GRIA4: variants seen among roughly 807,000 people sequenced by gnomAD.
The protein encoded by GRIA4 is glutamate ionotropic receptor AMPA type subunit 4, also known as glutamate receptor 4.
GRIA4 carries 34 observed loss-of-function variants against 104.0 expected under a neutral mutation model. The observed-to-expected ratio is 0.33, with a 90% confidence interval of 0.25 to 0.44. The LOEUF (loss-of-function observed/expected upper bound fraction) is 0.44, where lower values mean the gene tolerates loss of function less well. Ranked by LOEUF, GRIA4 falls within the 20% of genes least tolerant of loss-of-function variation. The pLI is 1.00. For synonymous variants in GRIA4, 386 were observed against 381.9 expected (o/e 1.01, Z -0.13); for missense variants, 750 against 1,096.5 (o/e 0.68, Z 4.46).
rs138293246 is a variant in GRIA4 at position 105,834,251 on chromosome 11, T to A, written c.488-27773T>A. Among the ~76,000 whole-genome samples the A allele has an allele frequency of 6.0e-3, 907 of 152,148 alleles. 8 individuals are homozygous for A. The highest frequency in any genetic ancestry group is 0.02 in the African/African-American group (840 of 41,544). ...CCTACTCCATATCTCAATCCTTTCA[T>A]CTCTTTTTAATGTCAAAATTACTCA... is the stretch of plus-strand genomic sequence containing the variant. On this transcript the variant is annotated intron_variant, in intron 4 of 16. Transcript: ENST00000282499.
chr11:105,972,158 T>C (rs1858728720), intron 15 of GRIA4, 130 bp downstream of exon 15: 7 of 531,564 alleles, frequency 1.3e-5, no homozygotes, highest in Non-Finnish European at 2.4e-5. Context: ...TAAAAGCTAA[T>C]GTCATAAATT....
intron 5 of GRIA4, among the ~76,000 whole-genome samples, chr11:105,876,906 C>T (rs190577198): frequency 3.3e-5 from 5 of 152,186 alleles, no homozygotes; most frequent in East Asian, 1.9e-4. Flanking sequence ...GCATTTAGCC[C>T]GTTTACATTT....
chr11:105,910,012 T>C (rs1419109423), intron 9 of GRIA4, among the ~76,000 whole-genome samples: 1 of 152,168 alleles, frequency 6.6e-6, no homozygotes, highest in African/African-American at 2.4e-5. Flanking sequence ...GAAAATATTC[T>C]GTACATGTTC....
chr11:105,909,188 T>C (rs954379788), intron 9 of GRIA4, among the ~76,000 whole-genome samples: 1 of 152,156 alleles, frequency 6.6e-6, no homozygotes, highest in African/African-American at 2.4e-5. Flanking sequence ...GTGAATAATC[T>C]AGTGCCTCTT....
chr11:105,776,018 A>C (rs2135755566), intron 4 of GRIA4, among the ~76,000 whole-genome samples: 1 of 152,238 alleles, frequency 6.6e-6, no homozygotes. Context: ...TTAATACAAA[A>C]GTAGATGCTA....
chr11:105,871,736 C>T (rs1353086639), intron 5 of GRIA4, among the ~76,000 whole-genome samples: 2 of 151,860 alleles, frequency 1.3e-5, no homozygotes, highest in Non-Finnish European at 2.9e-5. Flanking sequence ...AGTCATATGA[C>T]TTTCAGAATT....
At chr11:105,697,291 C>G (rs1371148339) in intron 3 of GRIA4, among the ~76,000 whole-genome samples, 1 of 152,148 alleles carries the variant, frequency 6.6e-6, no homozygotes, top group Non-Finnish European at 1.5e-5. Context: ...GAGTCTCTCT[C>G]TCTCTTTCTC....
chr11:105,719,715 C>T (rs1460785816), intron 3 of GRIA4, among the ~76,000 whole-genome samples: 3 of 151,392 alleles, frequency 2.0e-5, no homozygotes, highest in Non-Finnish European at 4.4e-5. Flanking sequence ...AGGTGGAGGT[C>T]AGCTTTTTCT....
intron 4 of GRIA4, among the ~76,000 whole-genome samples, chr11:105,839,334 T>A (rs1032967140): frequency 1.3e-5 from 2 of 152,150 alleles, no homozygotes; most frequent in Admixed American, 1.3e-4. Context: ...ATATTTACTC[T>A]TCTTTGCATG....
At chr11:105,631,346 A>G (rs1213939523) in intron 3 of GRIA4, among the ~76,000 whole-genome samples, 2 of 152,224 alleles carry the variant, frequency 1.3e-5, no homozygotes, top group Admixed American at 6.5e-5. Context: ...AAAGAAAAAG[A>G]CTGTCCATTA....
chr11:105,913,275 T>C, intron 10 of GRIA4: 1 of 484,608 alleles, frequency 2.1e-6, no homozygotes, highest in South Asian at 8.9e-5. Context: ...CTTTATTAAA[T>C]ATAATGTAGT....
intron 3 of GRIA4, among the ~76,000 whole-genome samples, chr11:105,679,740 G>C (rs1952651453): frequency 1.3e-5 from 2 of 151,982 alleles, no homozygotes; most frequent in South Asian, 4.1e-4. Flanking sequence ...GACAAAATAA[G>C]GAAGAACTGC....
At chr11:105,847,824 G>A (rs573681117) in intron 4 of GRIA4, among the ~76,000 whole-genome samples, 1 of 152,260 alleles carries the variant, frequency 6.6e-6, no homozygotes, top group African/African-American at 2.4e-5. Context: ...AATTACTGGT[G>A]TTGAAATTGA....
chr11:105,910,045 C>A (rs933776355), intron 9 of GRIA4, among the ~76,000 whole-genome samples: 7 of 152,050 alleles, frequency 4.6e-5, no homozygotes, highest in Non-Finnish European at 1.0e-4. Context: ...TGGCTATTCC[C>A]TTTACTATAC....
intron 5 of GRIA4, among the ~76,000 whole-genome samples, chr11:105,866,646 G>C (rs1349304867): frequency 2.1e-5 from 3 of 145,810 alleles, no homozygotes; most frequent in Non-Finnish European, 4.5e-5. Context: ...TTCTGCTATG[G>C]TTAGTAACTC....
intron 3 of GRIA4, among the ~76,000 whole-genome samples, chr11:105,655,299 G>A (rs930585982): frequency 6.6e-6 from 1 of 152,046 alleles, no homozygotes. Flanking sequence ...TGAAGACTTT[G>A]AGTAGTTACA....
chr11:105,912,441 T>C lies in GRIA4; in HGVS notation c.1269+1896T>C. ...CTTAAAACCAAAATACTGAATTAAT[T>C]TTGCAAGCATGGCTAGTTTTTAGGA... On this transcript the variant is annotated intron_variant, in intron 10 of 16. Transcript: ENST00000282499. 3 of 966,468 alleles carry C rather than the reference T, an allele frequency of 3.1e-6. No homozygotes were observed. In the South Asian group the frequency reaches 1.4e-4, roughly 46 times the overall value. The allele number at this position is 966,468 out of a possible 1,614,324, so 59.9% of individuals were successfully genotyped here.
At chr11:105,857,896 A>G (rs1013606403) in intron 4 of GRIA4, among the ~76,000 whole-genome samples, 8 of 152,154 alleles carry the variant, frequency 5.3e-5, no homozygotes, top group African/African-American at 1.4e-4. Flanking sequence ...GCAAACAAAA[A>G]CATCAAATAA....
At chr11:105,895,839 A>G (rs1207700860) in intron 6 of GRIA4, among the ~76,000 whole-genome samples, 2 of 152,034 alleles carry the variant, frequency 1.3e-5, no homozygotes, top group African/African-American at 4.8e-5. Flanking sequence ...GGGCACTTAG[A>G]CTGATTCCAT....
Sources: gnomAD v4.1 joint callset for allele counts (sites outside exome capture counted in the v4.1 genomes callset) on GRCh38, gnomAD v4.1.1 for gene constraint, MANE v1.5 for transcripts, NCBI Gene and HGNC (gene_info 2026-07-23, HGNC 2026-07-21) for gene names.